Variants in LDHB observed in about 807,000 individuals in gnomAD.
The protein encoded by LDHB is lactate dehydrogenase B, also known as L-lactate dehydrogenase B chain.
A neutral mutation model predicts 33.4 loss-of-function variants in LDHB; 18 were observed. The ratio of observed to expected loss-of-function variants is 0.54; its 90% CI spans 0.37 to 0.80. The LOEUF (loss-of-function observed/expected upper bound fraction) is 0.80. Among genes scored for constraint, LDHB ranks in the 30% least tolerant of loss-of-function variants. LDHB has a pLI of 0.00. For synonymous variants in LDHB, 121 were observed against 140.6 expected (o/e 0.86, Z 0.98); for missense variants, 345 against 407.9 (o/e 0.85, Z 1.33).
intron 2 of LDHB, among the ~76,000 whole-genome samples, chr12:21,650,585 C>A (rs1282251944): frequency 2.0e-5 from 3 of 152,170 alleles, no homozygotes; most frequent in Non-Finnish European, 4.4e-5. Flanking sequence ...ATGACCCTTA[C>A]AACATGATGA....
intron 2 of LDHB, 134 bp downstream of exon 2, chr12:21,654,409 G>A: frequency 1.3e-6 from 1 of 775,130 alleles, no homozygotes; most frequent in East Asian, 2.6e-5. Context: ...AGTGAAGTGG[G>A]ATTACATCTA....
chr12:21,637,248 C>T, intron 6 of LDHB, 54 bp from the exon 7 acceptor site: 1 of 1,384,860 alleles, frequency 7.2e-7, no homozygotes, highest in East Asian at 2.3e-5. Flanking sequence ...ATTATTGAAA[C>T]CAGACCTGAC....
rs753931794 is a variant in LDHB at position 21,654,634 on chromosome 12, G to T, written c.38C>A (p.Ala13Glu). 3 of 1,613,752 alleles carry T rather than the reference G, an allele frequency of 1.9e-6. No homozygotes were observed. The African/African-American group carries it at 4.0e-5, about 22-fold the overall frequency. The part of the protein sequence containing the change: ...TLKEKLIAPV[A>E]EEEATVPNNK... ...GTTTGGAACTGTTGCCTCTTCTTCC[G>T]CAACTGGTGCAATGAGTTTTTCCTT... Residue 13 changes from alanine (A) to glutamate (E), a missense_variant, in exon 2 of 8, where the codon GCG becomes GAG. By Grantham distance (107) the Ala-to-Glu change is moderately radical. Coordinates refer to ENST00000350669, the MANE Select transcript of LDHB (RefSeq NM_002300.8).
intron 2 of LDHB, among the ~76,000 whole-genome samples, chr12:21,653,144 T>C (rs1938740986): frequency 6.6e-6 from 1 of 152,180 alleles, no homozygotes; most frequent in South Asian, 2.1e-4. Context: ...AAAGCTTAAC[T>C]GTGGTTTGAA....
intron 2 of LDHB, chr12:21,654,275 A>G (rs747752829): frequency 1.3e-4 from 55 of 430,946 alleles, no homozygotes; most frequent in Admixed American, 2.2e-4. Context: ...AGAATTTTAA[A>G]TGTTAATAGT....
In LDHB at chr12:21,642,233, G is replaced by A. The variant is rs548202044; in HGVS notation, c.422-108C>T. On this transcript the variant is annotated intron_variant, in intron 4 of 7. Transcript: ENST00000350669. ...TTTCCCACTTCCCCACTCCCCAAAT[G>A]AGATGTGGCCAGAAAGATTAAAGTA... 103 of 750,978 alleles carry A rather than the reference G, an allele frequency of 1.4e-4. No homozygotes were observed. In the African/African-American group the frequency reaches 1.6e-3, roughly 11 times the overall value. 46.5% of individuals were successfully genotyped at this position (750,978 alleles called of 1,614,324 possible).
chr12:21,656,789 GAAC>G (rs1338385618), intron 1 of LDHB, among the ~76,000 whole-genome samples: 1 of 152,168 alleles, frequency 6.6e-6, no homozygotes, highest in Non-Finnish European at 1.5e-5. Context: ...TAAGGAACAA[GAAC>G]GACAAACGGT....
intron 5 of LDHB, among the ~76,000 whole-genome samples, 189 bp downstream of exon 5, chr12:21,641,763 T>C (rs1365916578): frequency 2.0e-5 from 3 of 151,974 alleles, no homozygotes; most frequent in Admixed American, 1.3e-4. Flanking sequence ...TAAAGATAGA[T>C]GATAGGTAGA....
intron 7 of LDHB, 85 bp downstream of exon 7, chr12:21,636,986 T>C: frequency 8.9e-7 from 1 of 1,127,966 alleles, no homozygotes; most frequent in Non-Finnish European, 1.3e-6. Flanking sequence ...ACTATGATTT[T>C]ATCTGGTCTG....
intron 2 of LDHB, among the ~76,000 whole-genome samples, chr12:21,651,026 G>A (rs1591834834): frequency 1.3e-5 from 2 of 152,206 alleles, no homozygotes; most frequent in African/African-American, 4.8e-5. Context: ...GATAAGAAGG[G>A]GTCAACCCTG....
rs142005433 is a variant in LDHB at position 21,647,070 on chromosome 12, C to T, written c.130-54G>A. 259 of 961,270 alleles carry T rather than the reference C, an allele frequency of 2.7e-4. 2 individuals carry two copies. The African/African-American group carries it at 3.6e-3, about 13-fold the overall frequency. The allele number at this position is 961,270 out of a possible 1,614,324, so 59.5% of individuals were successfully genotyped here. On this transcript the variant is annotated intron_variant, in intron 2 of 7. Transcript: ENST00000350669. Reference sequence around the variant, plus strand: ...CCTAAGCCACTCTAGGATGCGTCAGCTCACAATCTAACCCAAAGAAAGATC... The same window carrying T: ...CCTAAGCCACTCTAGGATGCGTCAGTTCACAATCTAACCCAAAGAAAGATC...
chr12:21,644,344 A>G (rs1038677677), intron 3 of LDHB, among the ~76,000 whole-genome samples: 1 of 145,750 alleles, frequency 6.9e-6, no homozygotes, highest in African/African-American at 2.5e-5. Flanking sequence ...AGATGACCCG[A>G]AAGTATGTTT....
intron 5 of LDHB, among the ~76,000 whole-genome samples, chr12:21,639,567 C>T (rs375464792): frequency 1.3e-5 from 2 of 152,086 alleles, no homozygotes; most frequent in South Asian, 2.1e-4. Flanking sequence ...TATAACTACA[C>T]CTAGCATTTA....
Position 21,654,037 on chromosome 12 carries a change from A to T in LDHB, c.129+506T>A, listed in dbSNP as rs1474788726. 7.2e-5 allele frequency among the ~76,000 whole-genome samples: 11 copies of T among 152,302 alleles called. No homozygotes were observed. In the South Asian group the frequency reaches 1.9e-3, roughly 26 times the overall value. ...CATGACATCACCTAGTTCCAATCCCACCCAAAAAATTCAACCCGAGCTGAA... is the reference window on the plus strand; with the variant it reads ...CATGACATCACCTAGTTCCAATCCCTCCCAAAAAATTCAACCCGAGCTGAA... On this transcript the variant is annotated intron_variant, in intron 2 of 7. Transcript: ENST00000350669.
intron 3 of LDHB, among the ~76,000 whole-genome samples, chr12:21,645,519 A>G (rs1938497651): frequency 1.3e-5 from 2 of 152,196 alleles, no homozygotes; most frequent in South Asian, 4.1e-4. Flanking sequence ...TATTCCATCT[A>G]CTGAGATAGG....
intron 2 of LDHB, among the ~76,000 whole-genome samples, chr12:21,649,500 C>T (rs1677104): frequency 0.95 from 143,954 of 152,300 alleles, 68,533 homozygotes; most frequent in East Asian, 1. Context: ...AAGCTGTAAG[C>T]ATGTTTAAAA....
intron 4 of LDHB, among the ~76,000 whole-genome samples, chr12:21,643,376 A>T (rs542516724): frequency 6.6e-6 from 1 of 152,372 alleles, no homozygotes; most frequent in Admixed American, 6.5e-5. Flanking sequence ...CTTTCTAGTC[A>T]GAAGGTTTAA....
rs1565629889 is a variant in LDHB, at chr12:21,650,148, A to AT, written c.130-3133_130-3132insA. 2.9e-4 allele frequency among the ~76,000 whole-genome samples: 39 copies of AT among 133,498 alleles called. 1 individual carries two copies. The highest frequency in any genetic ancestry group is 1.0e-3 in the African/African-American group (35 of 35,034). The allele number at this position is 133,498 out of a possible 152,430, so 87.6% of individuals were successfully genotyped here. ...CACACACACACACACACACACACAC[A>AT]CACGTCTCTCTCTCCAAGTGTTTAG... On this transcript the variant is annotated intron_variant, in intron 2 of 7. Transcript: ENST00000350669.
chr12:21,638,553 C>T, intron 5 of LDHB, 83 bp from the exon 6 acceptor site: 1 of 940,526 alleles, frequency 1.1e-6, no homozygotes, highest in Non-Finnish European at 1.7e-6. Context: ...TGCAATTTCA[C>T]CTATGATGCA....
Sources: allele counts gnomAD v4.1 joint callset (sites outside exome capture counted in the v4.1 genomes callset), GRCh38; gene constraint gnomAD v4.1.1; transcripts MANE v1.5; gene names NCBI Gene and HGNC (gene_info 2026-07-23, HGNC 2026-07-21).